CEP112: variants seen among roughly 807,000 people sequenced by gnomAD.
The protein encoded by CEP112 is centrosomal protein of 112 kDa.
Under a neutral mutation model 153.0 loss-of-function variants are expected in CEP112, and 127 were observed. That is an observed-to-expected ratio of 0.83 (90% CI 0.72 to 0.96). The LOEUF (loss-of-function observed/expected upper bound fraction) is 0.96, where lower values mean the gene tolerates loss of function less well. Among genes scored for constraint, CEP112 ranks in the 40% least tolerant of loss-of-function variants. The probability of loss-of-function intolerance (pLI) is 0.00; values close to 1 mark genes in which losing one functional copy is unlikely to be tolerated. For missense variants in CEP112, 1,089 were observed against 1,101.2 expected (o/e 0.99, Z 0.16); for synonymous variants, 358 against 374.4 (o/e 0.96, Z 0.51).
chr17:65,870,449 G>A (rs779074274), intron 20 of CEP112, among the ~76,000 whole-genome samples: 50 of 152,186 alleles, frequency 3.3e-4, no homozygotes, highest in Non-Finnish European at 6.3e-4. Context: ...TCTACTACAC[G>A]TAAAATAGCT....
intron 24 of CEP112, among the ~76,000 whole-genome samples, chr17:65,660,177 C>CCTTCCTTCCTTCCTTCCT (rs2046270778): frequency 7.2e-6 from 1 of 139,382 alleles, no homozygotes; most frequent in African/African-American, 2.8e-5. Flanking sequence ...ACCTTGATTT[C>CCTTCCTTCCTTCCTTCCT]TCCTTCCTTC....
intron 18 of CEP112, among the ~76,000 whole-genome samples, chr17:65,951,332 T>C (rs950614599): frequency 1.3e-5 from 2 of 152,222 alleles, no homozygotes; most frequent in Non-Finnish European, 2.9e-5. Context: ...AAATAGTTGA[T>C]GTAATTCGCC....
chr17:66,052,785 A>T lies in CEP112; in HGVS notation c.1218+951T>A, dbSNP rs200285294. Among the ~76,000 whole-genome samples the T allele has an allele frequency of 1.1e-4, 6 of 55,456 alleles. No individual in the cohort carries two copies. In the Admixed American group the frequency reaches 1.5e-3, roughly 14 times the overall value. 36.4% of individuals were successfully genotyped at this position (55,456 alleles called of 152,430 possible). On this transcript the variant is annotated intron_variant, in intron 12 of 26. Coordinates refer to ENST00000535342, the MANE Select transcript of CEP112 (RefSeq NM_001199165.4). ...AGAAAAACAATCAAGTCTTCCATTT[A>T]AAAAAAAATGAAACAAACAAAAAAA...
chr17:66,059,644 A>G (rs1471278142), intron 11 of CEP112, among the ~76,000 whole-genome samples: 3 of 152,190 alleles, frequency 2.0e-5, no homozygotes, highest in Admixed American at 2.0e-4. Context: ...AAAGATTAAA[A>G]ACAACAGATG....
chr17:66,144,903 G>A (rs1219043786), intron 4 of CEP112, among the ~76,000 whole-genome samples: 1 of 152,118 alleles, frequency 6.6e-6, no homozygotes, highest in Non-Finnish European at 1.5e-5. Flanking sequence ...TAGAATTGCT[G>A]GGTCATATGG....
intron 21 of CEP112, among the ~76,000 whole-genome samples, chr17:65,802,250 T>C (rs2055326685): frequency 6.6e-6 from 1 of 152,144 alleles, no homozygotes; most frequent in Admixed American, 6.6e-5. Context: ...TTTTACTCTG[T>C]CATTTTCCCT....
chr17:65,820,906 AT>A (rs1369136463), intron 21 of CEP112, among the ~76,000 whole-genome samples: 2 of 152,116 alleles, frequency 1.3e-5, no homozygotes, highest in Non-Finnish European at 2.9e-5. Flanking sequence ...TTGATGAGAT[AT>A]TTTCCATGAC....
At chr17:66,056,462 T>C (rs59594106) in intron 11 of CEP112, among the ~76,000 whole-genome samples, 2,111 of 152,276 alleles carry the variant, frequency 0.014, 47 homozygotes, top group African/African-American at 0.048. Flanking sequence ...ATTCACGATA[T>C]CCAAAAAGTG....
chr17:66,084,914 T>C (rs1270794001), intron 8 of CEP112, among the ~76,000 whole-genome samples: 1 of 152,148 alleles, frequency 6.6e-6, no homozygotes, highest in Non-Finnish European at 1.5e-5. Context: ...TCAAACTATA[T>C]CATGTAACCC....
intron 1 of CEP112, among the ~76,000 whole-genome samples, chr17:66,185,674 C>T (rs1034258219): frequency 6.6e-6 from 1 of 152,130 alleles, no homozygotes; most frequent in Non-Finnish European, 1.5e-5. Flanking sequence ...AAAATACATA[C>T]ACACACTACA....
At chr17:65,816,164 T>C (rs1342419676) in intron 21 of CEP112, among the ~76,000 whole-genome samples, 1 of 151,378 alleles carries the variant, frequency 6.6e-6, no homozygotes, top group East Asian at 1.9e-4. Context: ...TTAAAAAACA[T>C]TTTTGCTGAA....
At chr17:66,093,506 A>T (rs1204859855) in intron 8 of CEP112, among the ~76,000 whole-genome samples, 1 of 151,992 alleles carries the variant, frequency 6.6e-6, no homozygotes, top group East Asian at 1.9e-4. Context: ...AAATCAACAT[A>T]CAAAAATCAG....
rs144634121 is a variant in CEP112, at chr17:65,816,156, A to G, written c.2394+35648T>C. On this transcript the variant is annotated intron_variant, in intron 21 of 26. Coordinates refer to ENST00000535342, the MANE Select transcript of CEP112 (RefSeq NM_001199165.4). ...GTCTTTTCTTTTTAAAAAAGTTTTTAAAAAACATTTTTGCTGAAATATAAA... is the reference window on the plus strand; with the variant it reads ...GTCTTTTCTTTTTAAAAAAGTTTTTGAAAAACATTTTTGCTGAAATATAAA... Among the ~76,000 whole-genome samples the G allele has an allele frequency of 4.5e-4, 69 of 151,650 alleles. No homozygotes were observed. In the East Asian group the frequency reaches 0.012, roughly 27 times the overall value.
chr17:65,721,009 CTTTTTTTTTTT>C (rs57507655), intron 23 of CEP112, among the ~76,000 whole-genome samples: 1 of 125,744 alleles, frequency 8.0e-6, no homozygotes, highest in Non-Finnish European at 1.7e-5. Flanking sequence ...CTCTCTCTCT[CTTTTTTTTTTT>C]TTTTTTTTTG....
intron 18 of CEP112, among the ~76,000 whole-genome samples, chr17:65,945,618 C>G (rs117339979): frequency 6.6e-6 from 1 of 151,928 alleles, no homozygotes; most frequent in Non-Finnish European, 1.5e-5. Flanking sequence ...TTTTTGCATT[C>G]CCCTGATGAC....
At chr17:65,670,905 C>T (rs933677212) in intron 24 of CEP112, among the ~76,000 whole-genome samples, 14 of 45,928 alleles carry the variant, frequency 3.0e-4, no homozygotes, top group Admixed American at 6.2e-4. Context: ...GCGGGGGGGG[C>T]GGGGCAGACC....
chr17:65,870,700 T>C (rs1457256729), intron 20 of CEP112, among the ~76,000 whole-genome samples: 1 of 152,134 alleles, frequency 6.6e-6, no homozygotes, highest in African/African-American at 2.4e-5. Flanking sequence ...TGGTGCAACA[T>C]CAGGGCTCAC....
Position 65,870,538 on chromosome 17 carries a change from G to C in CEP112, c.2164-18504C>G, listed in dbSNP as rs1238339432. On this transcript the variant is annotated intron_variant, in intron 20 of 26. Coordinates refer to ENST00000535342, the MANE Select transcript of CEP112 (RefSeq NM_001199165.4). ...TATATATTTTTTCTAGACTCAAATA[G>C]AATTATAAAAGTAGAAACATTCCAG... Among the ~76,000 whole-genome samples, 7 of 152,200 alleles carry C rather than the reference G, an allele frequency of 4.6e-5. No individual in the cohort carries two copies. The East Asian group carries it at 1.3e-3, about 29-fold the overall frequency.
chr17:66,125,525 G>C (rs1337421566), intron 6 of CEP112, among the ~76,000 whole-genome samples: 1 of 150,840 alleles, frequency 6.6e-6, no homozygotes, highest in Non-Finnish European at 1.5e-5. Context: ...CTAAAAAAAA[G>C]AAAAAATAAG....
Sources: gnomAD v4.1 joint callset for allele counts (sites outside exome capture counted in the v4.1 genomes callset) on GRCh38, gnomAD v4.1.1 for gene constraint, MANE v1.5 for transcripts, NCBI Gene and HGNC (gene_info 2026-07-23, HGNC 2026-07-21) for gene names.